TRPM3: variants seen among roughly 807,000 people sequenced by gnomAD.
TRPM3 encodes transient receptor potential cation channel subfamily M member 3.
TRPM3 carries 77 observed loss-of-function variants against 181.2 expected under a neutral mutation model. The observed-to-expected ratio is 0.42, with a 90% CI of 0.35 to 0.51. The LOEUF is 0.51. Among genes scored for constraint, TRPM3 ranks in the 20% least tolerant of loss-of-function variants. The pLI, the probability that TRPM3 is intolerant of heterozygous loss-of-function variation, is 0.01. For missense variants in TRPM3, 1,759 were observed against 2,196.7 expected (o/e 0.80, Z 3.98); for synonymous variants, 745 against 796.4 (o/e 0.94, Z 1.09).
Position 70,537,049 on chromosome 9 carries a change from T to C in TRPM3, c.4064A>G (p.Asn1355Ser). The change falls in exon 26 of 26, where the codon AAT (asparagine) becomes AGT (serine). Residue 1355 changes from asparagine to serine, a missense_variant. Around this residue, in one of 8 missense-constraint regions of TRPM3, gnomAD observed 612 missense variants for 590.0 expected, o/e 1.04. Transcript: ENST00000677713. Reference protein sequence around the residue: ...RMRSHSFYSVNMKDKGGIEKL... With the variant: ...RMRSHSFYSVSMKDKGGIEKL... ...TTCTATACCACCTTTGTCTTTCATA[T>C]TGACCGAATAGAAAGAATGGCTTCG... The C allele has an allele frequency of 1.9e-6, 3 of 1,612,676 alleles. No individual in the cohort carries two copies. Among genetic ancestry groups the C allele is most frequent in the Non-Finnish European group, 2.5e-6 (3 of 1,178,734 alleles).
chr9:71,071,006 A>C (rs764581161), intron 1 of TRPM3, among the ~76,000 whole-genome samples: 2 of 152,224 alleles, frequency 1.3e-5, no homozygotes, highest in Non-Finnish European at 2.9e-5. Flanking sequence ...GGACCTCATC[A>C]TAGAGGGCAT....
chr9:71,442,799 G>C (rs952854053), intron 1 of TRPM3, among the ~76,000 whole-genome samples: 48 of 152,296 alleles, frequency 3.2e-4, no homozygotes, highest in African/African-American at 1.0e-3. Context: ...CATTTGTAAT[G>C]CGAGACAGCA....
intron 10 of TRPM3, 100 bp from the exon 11 acceptor site, chr9:70,639,294 T>G: frequency 7.4e-7 from 1 of 1,358,546 alleles, no homozygotes; most frequent in South Asian, 1.4e-5. Flanking sequence ...GCCTTTGACA[T>G]CTGGTAAACC....
chr9:71,115,475 C>A (rs1229839975), intron 1 of TRPM3, among the ~76,000 whole-genome samples: 1 of 152,148 alleles, frequency 6.6e-6, no homozygotes, highest in South Asian at 2.1e-4. Context: ...AACTCTTTTT[C>A]ATGCTAGATA....
intron 22 of TRPM3, among the ~76,000 whole-genome samples, chr9:70,561,712 G>A (rs2049140698): frequency 6.6e-6 from 1 of 152,170 alleles, no homozygotes; most frequent in African/African-American, 2.4e-5. Context: ...ACTGGAAATT[G>A]GTGGGAGGCC....
In TRPM3 at chr9:70,982,084, TC is replaced by T. The variant is rs563991226; in HGVS notation, c.178-117574del. On this transcript the variant is annotated intron_variant, in intron 1 of 25. Coordinates refer to ENST00000677713, the MANE Select transcript of TRPM3 (RefSeq NM_001366145.2). The stretch of plus-strand genomic sequence containing the variant: ...CTCACCCAACTTCACTCCTGGGTTC[TC>T]CCTATCTACTCTCCAAAACCAATTT... 9.2e-5 allele frequency among the ~76,000 whole-genome samples: 14 copies of T among 152,330 alleles called. No homozygotes were observed. The South Asian group carries it at 2.9e-3, about 32-fold the overall frequency.
intron 7 of TRPM3, among the ~76,000 whole-genome samples, chr9:70,778,646 T>G (rs2081919209): frequency 6.6e-6 from 1 of 152,176 alleles, no homozygotes; most frequent in Non-Finnish European, 1.5e-5. Flanking sequence ...AAAACTATAA[T>G]GGATACATGA....
At chr9:70,971,451 ACT>A (rs1486864715) in intron 1 of TRPM3, among the ~76,000 whole-genome samples, 4 of 151,958 alleles carry the variant, frequency 2.6e-5, no homozygotes, top group Admixed American at 2.6e-4. Flanking sequence ...CGCTAGGAAC[ACT>A]CTCTACCCAC....
intron 8 of TRPM3, among the ~76,000 whole-genome samples, chr9:70,699,360 G>T (rs2071661897): frequency 6.6e-6 from 1 of 152,206 alleles, no homozygotes; most frequent in African/African-American, 2.4e-5. Flanking sequence ...AAGTTTGGTG[G>T]TGGGGAGGTG....
At chr9:71,161,850 A>G (rs2076286784) in intron 1 of TRPM3, among the ~76,000 whole-genome samples, 2 of 152,290 alleles carry the variant, frequency 1.3e-5, no homozygotes, top group South Asian at 4.1e-4. Context: ...AAAGTTTACT[A>G]TATTCATATT....
chr9:70,579,387 T>G (rs1265390118), intron 22 of TRPM3: 1 of 152,222 alleles, frequency 6.6e-6, no homozygotes, highest in East Asian at 1.9e-4. Flanking sequence ...AACCCAGAAC[T>G]CCTGGGCTCA....
intron 1 of TRPM3, among the ~76,000 whole-genome samples, chr9:71,073,822 C>T (rs2063096480): frequency 6.6e-6 from 1 of 151,808 alleles, no homozygotes; most frequent in Non-Finnish European, 1.5e-5. Context: ...GAAAAGAATG[C>T]TGAATTTTAC....
chr9:71,298,711 T>A (rs1189858331), intron 1 of TRPM3, among the ~76,000 whole-genome samples: 1 of 152,082 alleles, frequency 6.6e-6, no homozygotes, highest in East Asian at 1.9e-4. Flanking sequence ...CCTTCTAATG[T>A]CACCTCCACA....
At chr9:71,244,982 G>A (rs2131986038) in intron 1 of TRPM3, among the ~76,000 whole-genome samples, 1 of 152,298 alleles carries the variant, frequency 6.6e-6, no homozygotes, top group East Asian at 1.9e-4. Flanking sequence ...TAACAGCACA[G>A]GCTGGTGGGG....
chr9:71,032,460 T>C (rs996629677), intron 1 of TRPM3, among the ~76,000 whole-genome samples: 2 of 151,880 alleles, frequency 1.3e-5, no homozygotes, highest in Non-Finnish European at 2.9e-5. Flanking sequence ...TCTATGTGTG[T>C]TTCAAATCTG....
chr9:71,116,998 T>C (rs932425775), intron 1 of TRPM3, among the ~76,000 whole-genome samples: 4 of 152,078 alleles, frequency 2.6e-5, no homozygotes, highest in Admixed American at 6.5e-5. Flanking sequence ...GGAACTTCCT[T>C]CTCAGGATCT....
At chr9:70,799,699 G>A (rs889888365) in intron 6 of TRPM3, among the ~76,000 whole-genome samples, 1 of 152,128 alleles carries the variant, frequency 6.6e-6, no homozygotes, top group South Asian at 2.1e-4. Context: ...GGGAAAATTA[G>A]CTTATTTCTT....
chr9:71,100,123 ATTCTT>A (rs2068067402), intron 1 of TRPM3, among the ~76,000 whole-genome samples: 2 of 152,136 alleles, frequency 1.3e-5, no homozygotes, highest in South Asian at 4.1e-4. Flanking sequence ...ACAAAAATAA[ATTCTT>A]TTCTGATTTT....
At chr9:71,317,362 A>T (rs2088705087) in intron 1 of TRPM3, among the ~76,000 whole-genome samples, 1 of 152,232 alleles carries the variant, frequency 6.6e-6, no homozygotes, top group Non-Finnish European at 1.5e-5. Context: ...GGCCTGGAAC[A>T]GTGGCTCATT....
Sources: gnomAD v4.1 joint callset for allele counts (sites outside exome capture counted in the v4.1 genomes callset) on GRCh38, gnomAD v4.1.1 for gene constraint, gnomAD v4.1.1 regional missense constraint, MANE v1.5 for transcripts, NCBI Gene and HGNC (gene_info 2026-07-23, HGNC 2026-07-21) for gene names.